Variants in TRIOBP observed in about 807,000 individuals in gnomAD.
The protein encoded by TRIOBP is TRIO and F-actin binding protein.
TRIOBP carries 169 observed loss-of-function variants against 238.8 expected under a neutral mutation model. That is an observed-to-expected ratio of 0.71 (90% CI 0.62 to 0.80). TRIOBP has a LOEUF of 0.80. TRIOBP is among the 30% of genes least tolerant of loss of function. The pLI, the probability that TRIOBP is intolerant of heterozygous loss-of-function variation, is 0.00. For missense variants in TRIOBP, 2,838 were observed against 3,122.6 expected (o/e 0.91, Z 2.17); for synonymous variants, 1,150 against 1,274.4 (o/e 0.90, Z 2.08).
chr22:37,745,078 T>C (rs892406418), intron 11 of TRIOBP, among the ~76,000 whole-genome samples: 8 of 152,272 alleles, frequency 5.3e-5, no homozygotes, highest in African/African-American at 1.9e-4. Context: ...TTGGCCAGTC[T>C]GCTCTTGAAC....
intron 4 of TRIOBP, among the ~76,000 whole-genome samples, chr22:37,711,809 G>A (rs969348084): frequency 5.3e-5 from 8 of 152,064 alleles, no homozygotes; most frequent in African/African-American, 1.9e-4. Flanking sequence ...TCTTTTTTAT[G>A]GCCATCACTT....
In TRIOBP at chr22:37,751,841, AGGCC is replaced by A; in HGVS notation, c.5379+16_5379+19del. ...CGAGCCTGGAGAGGTAAGAGGACTGAGGCCGGAGGGGAGGAAGCTGGCTTGTGCT... is the reference window on the plus strand; with the variant it reads ...CGAGCCTGGAGAGGTAAGAGGACTGAGGAGGGGAGGAAGCTGGCTTGTGCT... On this transcript the variant is annotated intron_variant, in intron 12 of 23. Transcript: ENST00000644935. 6.4e-7 allele frequency: 1 copy of A among 1,565,868 alleles called. No homozygotes were observed.
rs1406423929 is a variant in TRIOBP, at chr22:37,726,112, CTCT to C, written c.3562_3564del (p.Phe1188del). 2 of 1,554,730 alleles carry C rather than the reference CTCT, an allele frequency of 1.3e-6. No homozygotes were observed. Among genetic ancestry groups the C allele is most frequent in the African/African-American group, 1.4e-5 (1 of 73,262 alleles). ...ACCACGCCAGGCTCCTGAGCCATCCCTCTTCTTCCAGGATCCCCCTGGAACTAG... is the reference window on the plus strand; with the variant it reads ...ACCACGCCAGGCTCCTGAGCCATCCCTCTTCCAGGATCCCCCTGGAACTAG... On this transcript the variant is annotated inframe_deletion, in exon 7 of 24. Transcript: ENST00000644935.
chr22:37,735,594 G>T (rs940124121), intron 9 of TRIOBP, 152 bp downstream of exon 9: 5 of 904,952 alleles, frequency 5.5e-6, no homozygotes, highest in South Asian at 1.4e-5. Context: ...AACCCATCCC[G>T]ATCACCAAAC....
At chr22:37,747,497 G>A (rs925565552) in intron 11 of TRIOBP, among the ~76,000 whole-genome samples, 3 of 152,204 alleles carry the variant, frequency 2.0e-5, no homozygotes, top group African/African-American at 7.2e-5. Context: ...GGCGTGGCAC[G>A]CCTAGCCCCT....
chr22:37,776,322 C>G lies in TRIOBP; in HGVS notation c.*2542C>G, dbSNP rs764254090. ...TGGGGATACGGAGAAGAGCAGCTCC[C>G]AGGCGCTGCTGGTGCAAATGTGCTT... On this transcript the variant is annotated 3_prime_UTR_variant, in exon 24 of 24. Coordinates refer to ENST00000644935, the MANE Select transcript of TRIOBP (RefSeq NM_001039141.3). 1 of 152,244 alleles carries G rather than the reference C, an allele frequency of 6.6e-6. No individual in the cohort carries two copies. Among genetic ancestry groups the G allele is most frequent in the Non-Finnish European group, 1.5e-5 (1 of 68,054 alleles). The allele number at this position is 152,244 out of a possible 1,614,324, so 9.4% of individuals were successfully genotyped here.
intron 5 of TRIOBP, 113 bp downstream of exon 5, chr22:37,713,524 C>T (rs1261485255): frequency 1.9e-5 from 26 of 1,354,396 alleles, no homozygotes; most frequent in Admixed American, 5.2e-5. Context: ...GGGAATCCGA[C>T]GAGGTCCTCT....
Position 37,738,646 on chromosome 22 carries a change from A to C in TRIOBP, c.5111A>C (p.Gln1704Pro). 6.2e-7 allele frequency: 1 copy of C among 1,613,904 alleles called. No homozygotes were observed. The highest frequency in any genetic ancestry group is 8.5e-7 in the Non-Finnish European group (1 of 1,179,948). ...KGPSLPELQF[Q>P]PEEPEESEPS... ...TGTTCTTTTTTTAATCTCCAGTTCCAACCAGAGGAGCCTGAGGAGTCAGAA... is the reference window on the plus strand; with the variant it reads ...TGTTCTTTTTTTAATCTCCAGTTCCCACCAGAGGAGCCTGAGGAGTCAGAA... The change falls in exon 10 of 24, where the codon CAA becomes CCA. Residue 1704 changes from glutamine to proline, a missense_variant. Gln to Pro is a moderately conservative substitution (Grantham distance 76, BLOSUM62 -1). Transcript: ENST00000644935.
rs142370937 is a variant in TRIOBP at position 37,703,084 on chromosome 22, C to T, written c.114+1605C>T. On this transcript the variant is annotated intron_variant, in intron 3 of 23. Transcript: ENST00000644935. Reference sequence around the variant, plus strand: ...AATCTCAGCTCACTGCAACCTCCGTCTCCTGGGTTCAAGCAATTCTCCTGC... The same window carrying T: ...AATCTCAGCTCACTGCAACCTCCGTTTCCTGGGTTCAAGCAATTCTCCTGC... Among the ~76,000 whole-genome samples, 71 of 152,120 alleles carry T rather than the reference C, an allele frequency of 4.7e-4. No individual in the cohort carries two copies. The East Asian group carries it at 0.013, about 28-fold the overall frequency.
chr22:37,726,816 A>C lies in TRIOBP; in HGVS notation c.3947+313A>C, dbSNP rs1924192042. 2.0e-5 allele frequency among the ~76,000 whole-genome samples: 3 copies of C among 152,160 alleles called. No homozygotes were observed. The South Asian group carries it at 6.2e-4, about 32-fold the overall frequency. On this transcript the variant is annotated intron_variant, in intron 7 of 23. Coordinates refer to ENST00000644935, the MANE Select transcript of TRIOBP (RefSeq NM_001039141.3). ...TCGTATGACCTGATATAGTGAGTTA[A>C]CCTACCTGAGCCTCAGTTTCCTCAT...
chr22:37,748,435 C>T (rs1026279224), intron 11 of TRIOBP, among the ~76,000 whole-genome samples: 11 of 152,264 alleles, frequency 7.2e-5, no homozygotes, highest in Admixed American at 3.3e-4. Context: ...GCTTTGCTCC[C>T]GGATCAGCCT....
At chr22:37,772,358 C>T (rs183683931) in intron 22 of TRIOBP, among the ~76,000 whole-genome samples, 27 of 152,240 alleles carry the variant, frequency 1.8e-4, no homozygotes, top group Admixed American at 1.1e-3. Flanking sequence ...CACTGCCCTG[C>T]GGTCTTGGTC....
intron 18 of TRIOBP, among the ~76,000 whole-genome samples, chr22:37,767,637 GTGGAGCCTGAGCTCT>G (rs1454652672): frequency 4.6e-5 from 7 of 152,236 alleles, no homozygotes; most frequent in African/African-American, 1.4e-4. Flanking sequence ...TATGCTGACT[GTGGAGCCTGAGCTCT>G]TGACCACGAG....
intron 9 of TRIOBP, among the ~76,000 whole-genome samples, chr22:37,737,179 C>T (rs1384999457): frequency 3.3e-5 from 5 of 152,110 alleles, no homozygotes; most frequent in East Asian, 1.9e-4. Flanking sequence ...TGCCACAGGC[C>T]GGCCAGGTCA....
Position 37,725,658 on chromosome 22 carries a change from G to A in TRIOBP, c.3102G>A (p.Gln1034=). ...CCTCTTCGCCCCCTCGCTATTTGCAGCACGACCCCTTCCCCTTCTTCCCAG... is the reference window on the plus strand; with the variant it reads ...CCTCTTCGCCCCCTCGCTATTTGCAACACGACCCCTTCCCCTTCTTCCCAG... ...PRASSPPRYL[Q]HDPFPFFPEP... The change falls in exon 7 of 24, where the codon CAG becomes CAA. Residue 1034 remains glutamine, a synonymous_variant. Coordinates refer to ENST00000644935, the MANE Select transcript of TRIOBP (RefSeq NM_001039141.3). 6.2e-7 allele frequency: 1 copy of A among 1,604,662 alleles called. No homozygotes were observed.
At chr22:37,748,519 C>T (rs112967701) in intron 11 of TRIOBP, among the ~76,000 whole-genome samples, 206 of 152,272 alleles carry the variant, frequency 1.4e-3, no homozygotes, top group African/African-American at 4.5e-3. Flanking sequence ...TCCACCAGGG[C>T]AGGGGCCACA....
intron 3 of TRIOBP, among the ~76,000 whole-genome samples, chr22:37,707,086 G>T (rs537440478): frequency 1.2e-4 from 19 of 152,166 alleles, no homozygotes; most frequent in African/African-American, 4.3e-4. Context: ...TGACTAGCAT[G>T]GTGAAATCCT....
chr22:37,715,159 C>T (rs966219587), intron 5 of TRIOBP, among the ~76,000 whole-genome samples: 5 of 152,050 alleles, frequency 3.3e-5, no homozygotes, highest in Non-Finnish European at 5.9e-5. Flanking sequence ...GGATTACAGG[C>T]GCCCACCACT....
intron 18 of TRIOBP, among the ~76,000 whole-genome samples, chr22:37,767,273 G>A (rs1370451483): frequency 7.9e-6 from 1 of 127,146 alleles, no homozygotes; most frequent in Non-Finnish European, 1.8e-5. Context: ...GTGAGACTCC[G>A]TCTCCTGGGT....
Sources: allele counts gnomAD v4.1 joint callset (sites outside exome capture counted in the v4.1 genomes callset), GRCh38; gene constraint gnomAD v4.1.1; transcripts MANE v1.5; gene names NCBI Gene and HGNC (gene_info 2026-07-23, HGNC 2026-07-21).